TAB2: variants seen among roughly 807,000 people sequenced by gnomAD.
The protein encoded by TAB2 is TGF-beta-activated kinase 1 and MAP3K7-binding protein 2.
Under a neutral mutation model 65.0 loss-of-function variants are expected in TAB2, and 3 were observed. The ratio of observed to expected loss-of-function variants is 0.05; its 90% CI spans 0.02 to 0.12. TAB2 has a LOEUF of 0.12. Among genes scored for constraint, TAB2 ranks in the 10% least tolerant of loss-of-function variants. The pLI is 1.00. For synonymous variants in TAB2, 298 were observed against 285.1 expected (o/e 1.05, Z -0.46); for missense variants, 623 against 840.3 (o/e 0.74, Z 3.20).
chr6:149,268,907 A>G (rs929995094), intron 1 of TAB2, among the ~76,000 whole-genome samples: 1 of 152,180 alleles, frequency 6.6e-6, no homozygotes, highest in Non-Finnish European at 1.5e-5. Flanking sequence ...TCTTTTTCAT[A>G]TCAAATTACT....
At chr6:149,313,927 T>C (rs1438142350), upstream of TAB2, among the ~76,000 whole-genome samples, 3 of 152,188 alleles carry the variant, frequency 2.0e-5, no homozygotes, top group Non-Finnish European at 4.4e-5. Flanking sequence ...GCTTGGATGC[T>C]TGGAATGACC....
intron 1 of TAB2, among the ~76,000 whole-genome samples, chr6:149,219,518 A>C (rs1777096594): frequency 6.6e-6 from 1 of 152,200 alleles, no homozygotes; most frequent in African/African-American, 2.4e-5. Context: ...TGTTCATTCA[A>C]ACCTGCTCTT....
intron 3 of TAB2, among the ~76,000 whole-genome samples, chr6:149,392,480 T>C (rs1048538196): frequency 1.3e-5 from 2 of 152,216 alleles, no homozygotes; most frequent in Admixed American, 6.5e-5. Flanking sequence ...CTGTTCGATA[T>C]ACAGATAGCT....
intron 1 of TAB2, among the ~76,000 whole-genome samples, chr6:149,333,895 G>A (rs1779857684): frequency 6.6e-6 from 1 of 152,110 alleles, no homozygotes; most frequent in Non-Finnish European, 1.5e-5. Flanking sequence ...AGGGAATAAG[G>A]AAAGGGAGCT....
Position 149,410,124 on chromosome 6 carries a change from A to G in TAB2, c.*405A>G, listed in dbSNP as rs1011888842. 3 of 236,540 alleles carry G rather than the reference A, an allele frequency of 1.3e-5. No individual in the cohort carries two copies. Among genetic ancestry groups the G allele is most frequent in the Admixed American group, 1.0e-4 (2 of 19,196 alleles). The allele number at this position is 236,540 out of a possible 1,614,324, so 14.7% of individuals were successfully genotyped here. On this transcript the variant is annotated 3_prime_UTR_variant, in exon 7 of 7. Coordinates refer to ENST00000637181, the MANE Select transcript of TAB2 (RefSeq NM_001292034.3). ...TGTAAAGCTTTCAGTGAAACACTAC[A>G]TACACGAAGAAAAGGAACAAGGTTT...
intron 1 of TAB2, among the ~76,000 whole-genome samples, chr6:149,230,873 G>T (rs1562380883): frequency 6.6e-6 from 1 of 152,188 alleles, no homozygotes; most frequent in Non-Finnish European, 1.5e-5. Context: ...CTATGGTCAG[G>T]CTGCTATTCT....
At chr6:149,374,867 T>A in intron 2 of TAB2, among the ~76,000 whole-genome samples, 1 of 152,170 alleles carries the variant, frequency 6.6e-6, no homozygotes. Context: ...ATACCAAGTT[T>A]TCTCAACAAA....
rs933605660 is a variant in TAB2 at position 149,392,179 on chromosome 6, C to T, written c.1604-5425C>T. Among the ~76,000 whole-genome samples the T allele has an allele frequency of 5.3e-5, 8 of 151,492 alleles. 1 individual carries two copies. In the South Asian group the frequency reaches 1.0e-3, roughly 20 times the overall value. ...GGGGGTGGACAGAGTCTCACTTTGT[C>T]GCCCAGACTGGAGTGCAGTGACACA... On this transcript the variant is annotated intron_variant, in intron 3 of 6. Coordinates refer to ENST00000637181, the MANE Select transcript of TAB2 (RefSeq NM_001292034.3).
rs1470530829 is a variant in TAB2 at position 149,409,797 on chromosome 6, T to C, written c.*78T>C. On this transcript the variant is annotated 3_prime_UTR_variant, in exon 7 of 7. Transcript: ENST00000637181. ...GTCTGTCATCGGGAAAAAGTTTCAC[T>C]GCTACATAGGATTTTGTCAAATTGA... 1 of 1,536,100 alleles carries C rather than the reference T, an allele frequency of 6.5e-7. No homozygotes were observed. Among genetic ancestry groups the C allele is most frequent in the African/African-American group, 1.4e-5 (1 of 73,390 alleles).
intron 1 of TAB2, among the ~76,000 whole-genome samples, chr6:149,345,132 A>G (rs562635720): frequency 5.5e-4 from 83 of 152,252 alleles, no homozygotes; most frequent in African/African-American, 1.9e-3. Context: ...ATACTTAGTC[A>G]GTTTGAGTGC....
chr6:149,237,079 G>A (rs1777508843), intron 1 of TAB2, among the ~76,000 whole-genome samples: 1 of 152,108 alleles, frequency 6.6e-6, no homozygotes, highest in Non-Finnish European at 1.5e-5. Context: ...TAGGCACTGT[G>A]AAGTGTTATA....
intron 1 of TAB2, among the ~76,000 whole-genome samples, chr6:149,338,020 T>A (rs145057932): frequency 0.01 from 1,567 of 152,280 alleles, 25 homozygotes; most frequent in South Asian, 0.019. Context: ...TAGAATAATA[T>A]TATACAGGTC....
At chr6:149,305,390 AGTTT>A (rs1447440495) in intron 1 of TAB2, among the ~76,000 whole-genome samples, 1 of 152,194 alleles carries the variant, frequency 6.6e-6, no homozygotes, top group Non-Finnish European at 1.5e-5. Context: ...ATCCTGCATT[AGTTT>A]GTCACTTTGA....
At chr6:149,401,889 A>G (rs1460050648) in intron 6 of TAB2, among the ~76,000 whole-genome samples, 1 of 152,092 alleles carries the variant, frequency 6.6e-6, no homozygotes, top group African/African-American at 2.4e-5. Flanking sequence ...TCAAAAGGGA[A>G]TCTTAACAGT....
At chr6:149,349,701 A>G (rs1202744495) in intron 1 of TAB2, among the ~76,000 whole-genome samples, 3 of 152,204 alleles carry the variant, frequency 2.0e-5, no homozygotes, top group African/African-American at 7.2e-5. Flanking sequence ...ACATTTTCAA[A>G]ACAGATATAG....
At chr6:149,321,946 CAT>C (rs1366137655) in intron 1 of TAB2, among the ~76,000 whole-genome samples, 1 of 152,098 alleles carries the variant, frequency 6.6e-6, no homozygotes, top group East Asian at 1.9e-4. Flanking sequence ...TTGCCTTACT[CAT>C]GTGTAATGTA....
At chr6:149,232,833 A>G (rs1777430465) in intron 1 of TAB2, among the ~76,000 whole-genome samples, 1 of 152,186 alleles carries the variant, frequency 6.6e-6, no homozygotes, top group African/African-American at 2.4e-5. Context: ...CATCCTCTAC[A>G]CTAAACTGCC....
At chr6:149,394,565 A>G (rs1001512291) in intron 3 of TAB2, among the ~76,000 whole-genome samples, 9 of 152,182 alleles carry the variant, frequency 5.9e-5, no homozygotes, top group Non-Finnish European at 1.3e-4. Context: ...TGCACCCAGA[A>G]ATGAGGACAT....
rs78437085 is a variant in TAB2, at chr6:149,298,553, G to A, written c.-120-79465G>A. ...TGAGGTGGGAGACTTGCTTGATCCC[G>A]GGAGGTCAAGGCTGCGGTAATCACA... is the stretch of plus-strand genomic sequence containing the variant. On this transcript the variant is annotated intron_variant, in intron 1 of 1. Transcript: ENST00000606202. 2.4e-3 allele frequency among the ~76,000 whole-genome samples: 372 copies of A among 152,216 alleles called. 10 individuals are homozygous for A. The East Asian group carries it at 0.062, about 25-fold the overall frequency.
Sources: allele counts gnomAD v4.1 joint callset (sites outside exome capture counted in the v4.1 genomes callset), GRCh38; gene constraint gnomAD v4.1.1; transcripts MANE v1.5; gene names NCBI Gene and HGNC (gene_info 2026-07-23, HGNC 2026-07-21).